The following SCN11A variants were observed in gnomAD, a reference collection of about 807,000 sequenced individuals.
SCN11A encodes the protein sodium channel protein type 11 subunit alpha.
A neutral mutation model predicts 162.2 loss-of-function variants in SCN11A; 122 were observed. That is an observed-to-expected ratio of 0.75 (90% CI 0.65 to 0.87). The LOEUF (loss-of-function observed/expected upper bound fraction) is 0.87. Among genes scored for constraint, SCN11A ranks in the 40% least tolerant of loss-of-function variants. The pLI is 0.00. For missense variants in SCN11A, 2,015 were observed against 2,181.6 expected, an observed-to-expected ratio of 0.92 and a Z score of 1.52; for synonymous variants, 758 against 751.5, an observed-to-expected ratio of 1.01 and a Z score of -0.14.
chr3:38,951,978 C>T (rs2066626948), intron 4 of SCN11A, among the ~76,000 whole-genome samples: 3 of 152,124 alleles, frequency 2.0e-5, no homozygotes, highest in Admixed American at 2.0e-4. Flanking sequence ...ACTGTGGAAG[C>T]TTTGTTCTTT....
At chr3:39,002,966 A>G (rs2030861452) in intron 2 of SCN11A, among the ~76,000 whole-genome samples, 1 of 152,208 alleles carries the variant, frequency 6.6e-6, no homozygotes, top group Non-Finnish European at 1.5e-5. Context: ...TGTTTATTAC[A>G]GTGCTTTGCC....
At chr3:39,049,107 G>A (rs1480408679) in intron 1 of SCN11A, among the ~76,000 whole-genome samples, 1 of 152,218 alleles carries the variant, frequency 6.6e-6, no homozygotes, top group Non-Finnish European at 1.5e-5. Flanking sequence ...TTTGCAGATG[G>A]TTAAACAGCA....
chr3:38,996,847 G>A (rs2030646228), intron 2 of SCN11A, among the ~76,000 whole-genome samples: 1 of 152,168 alleles, frequency 6.6e-6, no homozygotes, highest in Admixed American at 6.5e-5. Context: ...GCTGAGACGG[G>A]AGGATCACTT....
intron 22 of SCN11A, among the ~76,000 whole-genome samples, chr3:38,880,871 G>A (rs763580596): frequency 5.3e-5 from 8 of 152,206 alleles, no homozygotes; most frequent in African/African-American, 9.6e-5. Flanking sequence ...TATAACTAGC[G>A]TATAAGCTGT....
At position 38,867,441 on chromosome 3, in the gene SCN11A, C is replaced by T; in HGVS notation, c.3831G>A (p.Glu1277=). Residue 1277 remains glutamate (E), a synonymous_variant, in exon 27 of 30, where the codon GAG becomes GAA. Coordinates refer to ENST00000302328, the MANE Select transcript of SCN11A (RefSeq NM_001349253.2). ...TGTAACCGAGTGAATTGCTCTCAAA[C>T]TCTGGCTGTTGTTCTTTCTGTTAGA... ...VDSTEKEQQP[E]FESNSLGYIY... is the part of the protein sequence containing the mutation. 2 of 1,606,212 alleles carry T rather than the reference C, an allele frequency of 1.2e-6. No individual in the cohort carries two copies. The highest frequency in any genetic ancestry group is 1.7e-6 in the Non-Finnish European group (2 of 1,177,694).
chr3:38,847,344 G>A lies in SCN11A; in HGVS notation c.4726C>T (p.Leu1576Phe). 1 of 1,614,188 alleles carries A rather than the reference G, an allele frequency of 6.2e-7. No homozygotes were observed. Among genetic ancestry groups the A allele is most frequent in the Non-Finnish European group, 8.5e-7 (1 of 1,180,024 alleles). ...AAGTAGGATGTGGCTATGCCAGGGA[G>A]GTGGCAGTTTTCTGAGGAAGAGTTA... ...SCNSSSENCH[L>F]PGIATSYFVS... is the part of the protein sequence containing the mutation. Residue 1576 changes from leucine to phenylalanine, a missense_variant, in exon 30 of 30, where the codon CTC (leucine) becomes TTC (phenylalanine). Leu to Phe is a conservative substitution (Grantham distance 22). Coordinates refer to ENST00000302328, the MANE Select transcript of SCN11A (RefSeq NM_001349253.2).
chr3:38,976,344 A>G (rs1453919430), intron 2 of SCN11A, among the ~76,000 whole-genome samples: 6 of 152,202 alleles, frequency 3.9e-5, no homozygotes. Context: ...CACCTCCCAC[A>G]AGACACTTTT....
At chr3:38,922,505 C>A (rs898857070) in intron 9 of SCN11A, among the ~76,000 whole-genome samples, 1 of 152,100 alleles carries the variant, frequency 6.6e-6, no homozygotes, top group Non-Finnish European at 1.5e-5. Context: ...ATTTAATGGG[C>A]CAAAATAGAG....
intron 5 of SCN11A, among the ~76,000 whole-genome samples, chr3:38,947,645 T>G (rs1228168887): frequency 6.6e-6 from 1 of 151,254 alleles, no homozygotes. Context: ...CCCAGTGGAG[T>G]CCCATTAAAG....
chr3:38,903,943 G>C lies in SCN11A; in HGVS notation c.1764C>G (p.Ile588Met), dbSNP rs1311156944. The stretch of plus-strand genomic sequence containing the variant: ...CCATGGCCAAGAAGACAGTGTTGAT[G>C]ATGATGCAGATGGTGATGGCCAGCT... ...FTELAITICI[I>M]INTVFLAMEH... The change falls in exon 16 of 30, where the codon ATC (isoleucine) becomes ATG (methionine). Residue 588 changes from isoleucine to methionine, a missense_variant. By Grantham distance (10) the Ile-to-Met change is conservative. Transcript: ENST00000302328. 6.2e-7 allele frequency: 1 copy of C among 1,614,098 alleles called. No homozygotes were observed. Among genetic ancestry groups the C allele is most frequent in the Non-Finnish European group, 8.5e-7 (1 of 1,179,966 alleles).
At chr3:39,029,394 A>G (rs575656769) in intron 2 of SCN11A, among the ~76,000 whole-genome samples, 2 of 152,320 alleles carry the variant, frequency 1.3e-5, no homozygotes, top group South Asian at 4.1e-4. Flanking sequence ...ATGCCTGTAC[A>G]TATCTTTTGC....
chr3:39,014,671 T>A (rs1703539777), intron 2 of SCN11A, among the ~76,000 whole-genome samples: 1 of 152,216 alleles, frequency 6.6e-6, no homozygotes, highest in African/African-American at 2.4e-5. Flanking sequence ...AAATGAGTTC[T>A]GTGATTGGAA....
At chr3:38,949,916 T>A (rs1479569641) in intron 5 of SCN11A, among the ~76,000 whole-genome samples, 180 bp downstream of exon 5, 1 of 151,932 alleles carries the variant, frequency 6.6e-6, no homozygotes, top group Non-Finnish European at 1.5e-5. Context: ...AGAGAAAAAA[T>A]GAGGACTGAA....
intron 2 of SCN11A, among the ~76,000 whole-genome samples, chr3:38,973,341 A>G (rs1235735184): frequency 6.6e-6 from 1 of 152,140 alleles, no homozygotes; most frequent in Non-Finnish European, 1.5e-5. Context: ...TGTTAATTAG[A>G]GGCTCACTGT....
intron 2 of SCN11A, among the ~76,000 whole-genome samples, chr3:39,005,482 GC>G (rs2030944567): frequency 1.3e-5 from 2 of 152,128 alleles, no homozygotes; most frequent in Admixed American, 1.3e-4. Flanking sequence ...CGCATAATGA[GC>G]CCCATTCTAG....
intron 2 of SCN11A, among the ~76,000 whole-genome samples, chr3:38,963,309 C>T (rs925216276): frequency 7.1e-6 from 1 of 140,526 alleles, no homozygotes; most frequent in African/African-American, 2.6e-5. Flanking sequence ...ACCTAAATGC[C>T]CATCAATCAA....
rs528809050 is a variant in SCN11A at position 38,902,816 on chromosome 3, T to G, written c.1842+1049A>C. ...ACAGGCGTGAGCCACTGTGCTCGGC[T>G]GCAGTGGGTTCTTAACAATGTAAAA... On this transcript the variant is annotated intron_variant, in intron 16 of 29. Transcript: ENST00000302328. 3.3e-5 allele frequency among the ~76,000 whole-genome samples: 5 copies of G among 151,858 alleles called. No homozygotes were observed. In the South Asian group the frequency reaches 8.3e-4, roughly 25 times the overall value.
intron 2 of SCN11A, among the ~76,000 whole-genome samples, chr3:39,020,130 C>A (rs2031409341): frequency 6.6e-6 from 1 of 152,188 alleles, no homozygotes; most frequent in African/African-American, 2.4e-5. Context: ...TAATACCTAT[C>A]TCAAATGGTT....
At position 38,856,324 on chromosome 3, in the gene SCN11A, C is replaced by A. The variant is rs147080973; in HGVS notation, c.4057-5573G>T. On this transcript the variant is annotated intron_variant, in intron 28 of 29. Coordinates refer to ENST00000302328, the MANE Select transcript of SCN11A (RefSeq NM_001349253.2). ...TGGAACAATCCAGGGTGAGTGCGGC[C>A]CCAGAGAAGGAGCACACCCTAGATT... is the stretch of plus-strand genomic sequence containing the variant. 7.0e-4 allele frequency among the ~76,000 whole-genome samples: 106 copies of A among 152,230 alleles called. No individual in the cohort carries two copies. The Middle Eastern group carries it at 0.01, about 15-fold the overall frequency.
Sources: allele counts gnomAD v4.1 joint callset (sites outside exome capture counted in the v4.1 genomes callset), GRCh38; gene constraint gnomAD v4.1.1; transcripts MANE v1.5; gene names NCBI Gene and HGNC (gene_info 2026-07-23, HGNC 2026-07-21).